KIF17: variants seen among roughly 807,000 people sequenced by gnomAD.
KIF17 encodes kinesin-like protein KIF17.
In KIF17, 80 loss-of-function variants were observed where a neutral mutation model predicts 96.8. That is an observed-to-expected ratio of 0.83 (90% CI 0.69 to 1.00). The LOEUF (loss-of-function observed/expected upper bound fraction) is 1.00, where lower values mean the gene tolerates loss of function less well. Among genes scored for constraint, KIF17 ranks in the 50% least tolerant of loss-of-function variants. KIF17 has a pLI of 0.00. For missense variants in KIF17, 1,280 were observed against 1,372.9 expected (o/e 0.93, Z 1.07); for synonymous variants, 567 against 587.5 (o/e 0.97, Z 0.51).
Position 20,671,962 on chromosome 1 carries a change from T to A in KIF17, c.2698A>T (p.Ile900Phe). The A allele has an allele frequency of 6.2e-7, 1 of 1,613,920 alleles. No individual in the cohort carries two copies. Among genetic ancestry groups the A allele is most frequent in the Non-Finnish European group, 8.5e-7 (1 of 1,180,028 alleles). Residue 900 changes from isoleucine to phenylalanine, a missense_variant, in exon 12 of 15, where the codon ATC (isoleucine) becomes TTC (phenylalanine). By Grantham distance (21) the Ile-to-Phe change is conservative (BLOSUM62 0). Coordinates refer to ENST00000400463, the MANE Select transcript of KIF17 (RefSeq NM_001122819.3). ...CCTACTGGGAGGCTGGTTTTTGTGA[T>A]GACGGGATGTGGGATCTTCCAGAAG... ...NGFWKIPHPV[I>F]TKTSLPVVST...
chr1:20,670,306 T>C, intron 13 of KIF17, 115 bp downstream of exon 13: 3 of 1,038,746 alleles, frequency 2.9e-6, no homozygotes, highest in Non-Finnish European at 4.4e-6. Context: ...CCTTCTTTAA[T>C]CCTTAGGCGG....
intron 8 of KIF17, 182 bp from the exon 9 acceptor site, chr1:20,686,308 AAG>A: frequency 1.5e-6 from 1 of 655,040 alleles, no homozygotes; most frequent in South Asian, 1.7e-5. Context: ...GAGAACAGGG[AAG>A]AGAGGAAACG....
downstream of KIF17, chr1:20,661,693 G>A: frequency 2.3e-6 from 1 of 427,720 alleles, no homozygotes; most frequent in South Asian, 3.9e-5. Flanking sequence ...CCCTAGTCTG[G>A]AGCCCACTTC....
intron 1 of KIF17, among the ~76,000 whole-genome samples, chr1:20,716,976 A>T (rs2054588600): frequency 6.6e-6 from 1 of 152,136 alleles, no homozygotes; most frequent in African/African-American, 2.4e-5. Flanking sequence ...GCCCGGTTCC[A>T]CTGCAAAGAC....
chr1:20,697,109 C>T (rs1557597834), intron 6 of KIF17, among the ~76,000 whole-genome samples: 1 of 152,214 alleles, frequency 6.6e-6, no homozygotes, highest in South Asian at 2.1e-4. Context: ...GGACAGAGAT[C>T]TCCACAGTCC....
rs2053486309 is a variant in KIF17, at chr1:20,664,360, C to T, written c.*224G>A. 4.2e-6 allele frequency: 6 copies of T among 1,434,590 alleles called. No homozygotes were observed. The highest frequency in any genetic ancestry group is 2.9e-5 in the African/African-American group (2 of 69,866). 88.9% of individuals were successfully genotyped at this position (1,434,590 alleles called of 1,614,324 possible). On this transcript the variant is annotated 3_prime_UTR_variant, in exon 15 of 15. Transcript: ENST00000400463. Reference sequence around the variant, plus strand: ...ACTGATGTGGTATGAACAGCTGGAGCAGGCCTCTCTAAGGAGGACTATACA... The same window carrying T: ...ACTGATGTGGTATGAACAGCTGGAGTAGGCCTCTCTAAGGAGGACTATACA...
chr1:20,682,316 A>G (rs1390508559), intron 11 of KIF17, among the ~76,000 whole-genome samples: 3 of 152,104 alleles, frequency 2.0e-5, no homozygotes, highest in Non-Finnish European at 4.4e-5. Context: ...GGCACTTAAT[A>G]AGTGCTTTCC....
chr1:20,676,119 TC>T (rs776482952), intron 11 of KIF17, among the ~76,000 whole-genome samples: 86 of 152,300 alleles, frequency 5.6e-4, no homozygotes, highest in Admixed American at 1.5e-3. Context: ...ATTAATTTAC[TC>T]TTTTTTCTCT....
chr1:20,704,440 G>A lies in KIF17; in HGVS notation c.1123+7C>T. ...GCCCTCCCGCCACTACCCCAACGTG[G>A]TCCCACCTGACAGGCTGCTGGGGCT... On this transcript the variant is annotated splice_region_variant and intron_variant, in intron 5 of 14. Transcript: ENST00000400463. This position sits in a 1 kb window ranked among gnomAD's most constrained non-coding sequence, Gnocchi z 6.8. 1.2e-6 allele frequency: 2 copies of A among 1,612,502 alleles called. No homozygotes were observed. Among genetic ancestry groups the A allele is most frequent in the South Asian group, 1.1e-5 (1 of 90,888 alleles).
rs1300847544 is a variant in KIF17, at chr1:20,664,490, T to C, written c.*94A>G. 1.9e-6 allele frequency: 3 copies of C among 1,609,072 alleles called. No individual in the cohort carries two copies. The highest frequency in any genetic ancestry group is 1.7e-6 in the Non-Finnish European group (2 of 1,178,898). ...GGAGCCCTCAGGCCCCGGAGCGCTG[T>C]GTGGCAGGTGGGAGGAGACCTGGTT... On this transcript the variant is annotated 3_prime_UTR_variant, in exon 15 of 15. Transcript: ENST00000400463.
At position 20,704,745 on chromosome 1, in the gene KIF17, C is replaced by T. The variant is rs1233147715; in HGVS notation, c.825G>A (p.Ser275=). ...GCTTACAGCGCCCGTCCACCAGCGC[C>T]GAGATGACATTGCCCAGTGCCGAGA... ...LSLSALGNVI[S]ALVDGRCKHV... Residue 275 remains serine (S), a synonymous_variant, in exon 5 of 15, where the codon TCG becomes TCA. Coordinates refer to ENST00000400463, the MANE Select transcript of KIF17 (RefSeq NM_001122819.3). The surrounding 1 kb of genome is among the most constrained non-coding windows in gnomAD (Gnocchi z 6.8). 3 of 1,612,698 alleles carry T rather than the reference C, an allele frequency of 1.9e-6. No homozygotes were observed. Among genetic ancestry groups the T allele is most frequent in the Non-Finnish European group, 2.5e-6 (3 of 1,179,296 alleles).
In KIF17 at chr1:20,704,437, G is replaced by T; in HGVS notation, c.1123+10C>A. ...CTGGCCCTCCCGCCACTACCCCAAC[G>T]TGGTCCCACCTGACAGGCTGCTGGG... is the stretch of plus-strand genomic sequence containing the variant. On this transcript the variant is annotated intron_variant, in intron 5 of 14. Transcript: ENST00000400463. This position sits in a 1 kb window ranked among gnomAD's most constrained non-coding sequence, Gnocchi z 6.8. The T allele has an allele frequency of 6.2e-7, 1 of 1,611,686 alleles. No individual in the cohort carries two copies. The highest frequency in any genetic ancestry group is 8.5e-7 in the Non-Finnish European group (1 of 1,178,452).
In KIF17 at chr1:20,690,147, A is replaced by G. The variant is rs751443773; in HGVS notation, c.1381+41T>C. On this transcript the variant is annotated intron_variant, in intron 7 of 14. Transcript: ENST00000400463. ...ACTGCAGTGAGGCGGAAAGGAGGCC[A>G]CCTTCCCTGGAGACAGCCTCGGGGG... is the stretch of plus-strand genomic sequence containing the variant. 3 of 1,611,996 alleles carry G rather than the reference A, an allele frequency of 1.9e-6. No individual in the cohort carries two copies. In the South Asian group the frequency reaches 3.3e-5, roughly 18 times the overall value.
intron 10 of KIF17, among the ~76,000 whole-genome samples, chr1:20,684,516 G>A (rs2053898041): frequency 6.6e-6 from 1 of 152,240 alleles, no homozygotes. Flanking sequence ...GGCACTGGAG[G>A]CCAGGGGGCT....
At chr1:20,676,766 G>A (rs2053744874) in intron 11 of KIF17, among the ~76,000 whole-genome samples, 1 of 151,926 alleles carries the variant, frequency 6.6e-6, no homozygotes, top group African/African-American at 2.4e-5. Flanking sequence ...GGGGGGCGAA[G>A]GTTGCAGTGA....
chr1:20,682,657 C>T lies in KIF17; in HGVS notation c.2459G>A (p.Arg820Lys). The T allele has an allele frequency of 6.2e-7, 1 of 1,613,960 alleles. No homozygotes were observed. Among genetic ancestry groups the T allele is most frequent in the Non-Finnish European group, 8.5e-7 (1 of 1,179,974 alleles). Reference protein sequence around the residue: ...AKSKLLEKMQRKLRAAEVEIK... With the variant: ...AKSKLLEKMQKKLRAAEVEIK... ...GGGGCTGCATCTGGGCCTCACCTTC[C>T]TCTGCATCTTCTCCAGCAGCTTGCT... The change falls in exon 11 of 15, where the codon AGG becomes AAG. Residue 820 changes from arginine to lysine, a missense_variant. Arg to Lys is a conservative substitution (Grantham distance 26). Transcript: ENST00000400463.
chr1:20,668,891 A>G (rs2053582244), intron 13 of KIF17, among the ~76,000 whole-genome samples: 1 of 152,142 alleles, frequency 6.6e-6, no homozygotes, highest in East Asian at 1.9e-4. Flanking sequence ...CGGGTCCTTT[A>G]CAGAAAAATT....
Position 20,717,877 on chromosome 1 carries a change from A to G in KIF17, c.-171T>C. 1 of 382,302 alleles carries G rather than the reference A, an allele frequency of 2.6e-6. No homozygotes were observed. The highest frequency in any genetic ancestry group is 8.3e-5 in the East Asian group (1 of 12,082). 23.7% of individuals were successfully genotyped at this position (382,302 alleles called of 1,614,324 possible). A position where few individuals can be genotyped will look rare whatever the true frequency, so the allele number is the denominator to read the frequency against. On this transcript the variant is annotated 5_prime_UTR_variant, in exon 1 of 15. Transcript: ENST00000400463. ...CCCCTCGGGGGGCGCCCCGGAGGGG[A>G]GCTGGGCGTCGCAGGACCCGAGCCG...
chr1:20,664,802 G>A (rs368345117), intron 14 of KIF17, 40 bp from the exon 15 acceptor site: 23 of 1,585,280 alleles, frequency 1.5e-5, no homozygotes, highest in Admixed American at 8.4e-5. Context: ...AGCCAGGAGC[G>A]CAGGGATGGA....
Sources: gnomAD v4.1 joint callset for allele counts (sites outside exome capture counted in the v4.1 genomes callset) on GRCh38, gnomAD v4.1.1 for gene constraint, Gnocchi (gnomAD v3.1) non-coding constraint, MANE v1.5 for transcripts, NCBI Gene and HGNC (gene_info 2026-07-23, HGNC 2026-07-21) for gene names.